Variants in DPH5 observed in about 807,000 individuals in gnomAD.
DPH5 encodes the protein diphthine methyl ester synthase.
A neutral mutation model predicts 31.6 loss-of-function variants in DPH5; 31 were observed. The observed-to-expected ratio is 0.98, with a 90% CI of 0.74 to 1.32. DPH5 has a LOEUF of 1.32. DPH5 is among the 40% of genes most tolerant of loss of function. The probability of loss-of-function intolerance (pLI) is 0.00; values close to 1 mark genes in which losing one functional copy is unlikely to be tolerated. For missense variants in DPH5, 309 were observed against 335.7 expected (o/e 0.92, Z 0.62); for synonymous variants, 120 against 115.0 (o/e 1.04, Z -0.28).
rs1350131252 is a variant in DPH5 at position 100,994,301 on chromosome 1, G to A, written c.530+809C>T. Among the ~76,000 whole-genome samples, 5 of 152,074 alleles carry A rather than the reference G, an allele frequency of 3.3e-5. No homozygotes were observed. In the South Asian group the frequency reaches 1.0e-3, roughly 32 times the overall value. On this transcript the variant is annotated intron_variant, in intron 6 of 7. Coordinates refer to ENST00000370109, the MANE Select transcript of DPH5 (RefSeq NM_015958.3). ...CATACTTAAAAGTTTTCCAATAACA[G>A]AGTATCATTTTTTAATTAATTAAAA...
rs529164741 is a variant in DPH5, at chr1:100,997,608, A to G, written c.491-2459T>C. The stretch of plus-strand genomic sequence containing the variant: ...TCTCGATCTTCTGACCTCGTGATCC[A>G]CCCGCCTCAGCCTCCCAAAGTGCTG... On this transcript the variant is annotated intron_variant, in intron 5 of 7. Transcript: ENST00000370109. Among the ~76,000 whole-genome samples the G allele has an allele frequency of 1.0e-3, 152 of 151,798 alleles. 1 individual carries two copies. The highest frequency in any genetic ancestry group is 3.3e-3 in the African/African-American group (138 of 41,420).
chr1:101,020,105 C>A (rs1352033872), intron 3 of DPH5, among the ~76,000 whole-genome samples: 3 of 152,160 alleles, frequency 2.0e-5, no homozygotes, highest in Admixed American at 2.0e-4. Flanking sequence ...GGTTTTTGAG[C>A]ATGGGAGCAA....
chr1:101,005,821 A>T (rs930396526), intron 4 of DPH5, among the ~76,000 whole-genome samples: 52 of 152,278 alleles, frequency 3.4e-4, no homozygotes, highest in African/African-American at 1.3e-3. Flanking sequence ...AGTCATAAAC[A>T]TATATAACAT....
At chr1:101,004,475 G>A (rs945701727) in intron 4 of DPH5, among the ~76,000 whole-genome samples, 2 of 152,216 alleles carry the variant, frequency 1.3e-5, no homozygotes, top group South Asian at 2.1e-4. Context: ...CAGCTGTTTT[G>A]TAAGAAACAG....
chr1:100,999,707 C>T (rs538144046), intron 5 of DPH5, among the ~76,000 whole-genome samples: 1 of 151,912 alleles, frequency 6.6e-6, no homozygotes, highest in Non-Finnish European at 1.5e-5. Context: ...GGTGTGGTGT[C>T]AGGCACCTGT....
chr1:101,000,331 C>A (rs895068743), intron 5 of DPH5, among the ~76,000 whole-genome samples: 4 of 152,144 alleles, frequency 2.6e-5, no homozygotes, highest in African/African-American at 9.7e-5. Flanking sequence ...ATCTCAGGAC[C>A]AATGCCAGTA....
chr1:100,994,816 C>T (rs1348715159), intron 6 of DPH5, among the ~76,000 whole-genome samples: 1 of 152,166 alleles, frequency 6.6e-6, no homozygotes, highest in African/African-American at 2.4e-5. Context: ...CATGAACAAC[C>T]GCACCCGGCC....
intron 5 of DPH5, among the ~76,000 whole-genome samples, chr1:100,999,329 G>T (rs895167725): frequency 6.6e-5 from 10 of 152,072 alleles, no homozygotes; most frequent in African/African-American, 2.4e-4. Context: ...GTATGCCTGT[G>T]GTTCCAGCTA....
At chr1:101,004,672 A>C (rs1659094812) in intron 4 of DPH5, among the ~76,000 whole-genome samples, 1 of 152,194 alleles carries the variant, frequency 6.6e-6, no homozygotes, top group Non-Finnish European at 1.5e-5. Flanking sequence ...GGTAGTAGTA[A>C]TTATTATTAA....
intron 4 of DPH5, among the ~76,000 whole-genome samples, chr1:101,005,925 G>A (rs1000771063): frequency 3.3e-5 from 5 of 151,254 alleles, no homozygotes; most frequent in Non-Finnish European, 5.9e-5. Flanking sequence ...GGGGAGGTGA[G>A]GGGGGGAGCA....
At chr1:100,997,119 T>G (rs1022055037) in intron 5 of DPH5, among the ~76,000 whole-genome samples, 36 of 152,234 alleles carry the variant, frequency 2.4e-4, no homozygotes, top group Admixed American at 5.2e-4. Context: ...ATTTCTAGTT[T>G]GTCCTTCCTG....
At chr1:101,018,472 C>T (rs937741835) in intron 3 of DPH5, among the ~76,000 whole-genome samples, 11 of 151,954 alleles carry the variant, frequency 7.2e-5, no homozygotes, top group Non-Finnish European at 1.3e-4. Flanking sequence ...CTCCTGGGCT[C>T]GGGCAATCCA....
At chr1:101,011,447 C>T (rs1332237876) in intron 4 of DPH5, 1 of 153,446 alleles carries the variant, frequency 6.5e-6, no homozygotes, top group Admixed American at 6.5e-5. Flanking sequence ...AGAGAAATCC[C>T]ATACACAATT....
intron 6 of DPH5, among the ~76,000 whole-genome samples, chr1:100,993,553 AATATAAATATATAT>A (rs1280671402): frequency 2.8e-5 from 1 of 35,934 alleles, no homozygotes; most frequent in Non-Finnish European, 5.9e-5. Context: ...CTCTGTCGAA[AATATAAATATATAT>A]ATATATATAT....
chr1:100,999,451 TAAAC>T (rs558084615), intron 5 of DPH5, among the ~76,000 whole-genome samples: 73 of 152,144 alleles, frequency 4.8e-4, no homozygotes, highest in Admixed American at 4.1e-3. Context: ...CCTTGTCTCT[TAAAC>T]AAACAAACAA....
intron 3 of DPH5, among the ~76,000 whole-genome samples, chr1:101,016,353 C>CA (rs1004033006): frequency 2.0e-5 from 3 of 150,550 alleles, no homozygotes; most frequent in South Asian, 4.2e-4. Flanking sequence ...GACTCCTTCT[C>CA]AAAAAAAAGA....
intron 4 of DPH5, among the ~76,000 whole-genome samples, chr1:101,013,214 T>C (rs1348110253): frequency 6.6e-6 from 1 of 152,166 alleles, no homozygotes; most frequent in Non-Finnish European, 1.5e-5. Flanking sequence ...TGGAAACAAT[T>C]GTGGGGCACT....
chr1:101,000,232 T>C (rs1043893507), intron 5 of DPH5, among the ~76,000 whole-genome samples: 1 of 152,214 alleles, frequency 6.6e-6, no homozygotes, highest in Non-Finnish European at 1.5e-5. Context: ...CATGGGCTTA[T>C]TCTCTGCCCT....
chr1:100,990,653 G>A (rs1237584249), intron 7 of DPH5, 22 bp from the exon 8 acceptor site: 6 of 1,601,082 alleles, frequency 3.7e-6, no homozygotes, highest in South Asian at 2.2e-5. Context: ...AAAAGATACT[G>A]CTATTCAATT....
Sources: allele counts gnomAD v4.1 joint callset (sites outside exome capture counted in the v4.1 genomes callset), GRCh38; gene constraint gnomAD v4.1.1; transcripts MANE v1.5; gene names NCBI Gene and HGNC (gene_info 2026-07-23, HGNC 2026-07-21).